Variants in BTBD9 observed in about 807,000 individuals in gnomAD.
The protein encoded by BTBD9 is BTB/POZ domain-containing protein 9.
BTBD9 carries 49 observed loss-of-function variants against 64.3 expected under a neutral mutation model. That is an observed-to-expected ratio of 0.76 (90% CI 0.61 to 0.97). The LOEUF (loss-of-function observed/expected upper bound fraction) is 0.97, where lower values mean the gene tolerates loss of function less well. BTBD9 is among the 50% of genes least tolerant of loss of function. The probability of loss-of-function intolerance (pLI) is 0.00; values close to 1 mark genes in which losing one functional copy is unlikely to be tolerated. For missense variants in BTBD9, 598 were observed against 762.1 expected (o/e 0.78, Z 2.53); for synonymous variants, 260 against 274.7 (o/e 0.95, Z 0.53).
At chr6:38,547,001 C>T (rs766308940) in intron 6 of BTBD9, among the ~76,000 whole-genome samples, 1 of 152,074 alleles carries the variant, frequency 6.6e-6, no homozygotes, top group Non-Finnish European at 1.5e-5. Context: ...TTTGATGTTA[C>T]CATTGTAATT....
intron 6 of BTBD9, among the ~76,000 whole-genome samples, chr6:38,412,893 C>A (rs1331805102): frequency 6.6e-6 from 1 of 151,808 alleles, no homozygotes; most frequent in Non-Finnish European, 1.5e-5. Context: ...ACAAAACAGT[C>A]GGAAATTTTG....
At chr6:38,526,058 A>T (rs1464149603) in intron 6 of BTBD9, among the ~76,000 whole-genome samples, 1 of 152,244 alleles carries the variant, frequency 6.6e-6, no homozygotes, top group Non-Finnish European at 1.5e-5. Flanking sequence ...AATGCCTCCA[A>T]GGCATTTCAG....
In BTBD9 at chr6:38,465,703, T is replaced by TA. The variant is rs1562224182; in HGVS notation, c.1154+111896dup. ...CTCCATCTCTAAATAAATAAATAAA[T>TA]AAATTATATATATATATATATATAT... is the stretch of plus-strand genomic sequence containing the variant. On this transcript the variant is annotated intron_variant, in intron 6 of 10. Transcript: ENST00000481247. Among the ~76,000 whole-genome samples, 43 of 81,702 alleles carry TA rather than the reference T, an allele frequency of 5.3e-4. 1 individual carries two copies. The highest frequency in any genetic ancestry group is 6.1e-3 in the Middle Eastern group (1 of 164). 53.6% of individuals were successfully genotyped at this position (81,702 alleles called of 152,430 possible).
At chr6:38,633,786 G>A (rs190433621) in intron 1 of BTBD9, among the ~76,000 whole-genome samples, 60 of 151,640 alleles carry the variant, frequency 4.0e-4, no homozygotes, top group Admixed American at 2.8e-3. Flanking sequence ...TTACAAATTT[G>A]ATTGCTAAAA....
At chr6:38,199,609 C>G (rs530641812) in intron 9 of BTBD9, among the ~76,000 whole-genome samples, 3 of 152,292 alleles carry the variant, frequency 2.0e-5, no homozygotes, top group African/African-American at 7.2e-5. Context: ...TGGAGGAACA[C>G]ATTGCTTTAG....
At chr6:38,410,716 A>G (rs1383838886) in intron 6 of BTBD9, among the ~76,000 whole-genome samples, 1 of 151,840 alleles carries the variant, frequency 6.6e-6, no homozygotes, top group East Asian at 1.9e-4. Context: ...TAACTTAACA[A>G]TGCAACAGTG....
intron 6 of BTBD9, among the ~76,000 whole-genome samples, chr6:38,548,811 G>A (rs1019010379): frequency 3.3e-5 from 5 of 152,148 alleles, no homozygotes; most frequent in African/African-American, 9.7e-5. Context: ...ACAAAAGTTT[G>A]ACACAGTATT....
intron 10 of BTBD9, among the ~76,000 whole-genome samples, chr6:38,183,018 C>A (rs539904928): frequency 1.3e-5 from 2 of 150,562 alleles, no homozygotes; most frequent in Non-Finnish European, 2.9e-5. Context: ...CTTGCTCTGT[C>A]GCCCAGGCTG....
chr6:38,358,606 A>T (rs1237141013), intron 6 of BTBD9, among the ~76,000 whole-genome samples: 1 of 152,208 alleles, frequency 6.6e-6, no homozygotes, highest in Non-Finnish European at 1.5e-5. Context: ...AATGCAGGTG[A>T]GTAGGAAGAG....
intron 6 of BTBD9, among the ~76,000 whole-genome samples, chr6:38,477,481 T>C (rs562836755): frequency 6.6e-6 from 1 of 152,344 alleles, no homozygotes; most frequent in Admixed American, 6.5e-5. Context: ...TTTTCCTTTA[T>C]ACCTAAAAAA....
rs1554123899 is a variant in BTBD9, at chr6:38,169,899, T to TTA, written c.*5085_*5086insTA. The TTA allele has an allele frequency of 6.6e-6, 1 of 151,616 alleles. No homozygotes were observed. The highest frequency in any genetic ancestry group is 6.6e-5 in the Admixed American group (1 of 15,266). The allele number at this position is 151,616 out of a possible 1,614,324, so 9.4% of individuals were successfully genotyped here. A position where few individuals can be genotyped will look rare whatever the true frequency, so the allele number is the denominator to read the frequency against. ...CCTCTTGGGGACTATTTCAGTTCTTTAAAAAAAAGAAGACACGAAGCTGAT... is the reference window on the plus strand; with the variant it reads ...CCTCTTGGGGACTATTTCAGTTCTTTTAAAAAAAAAGAAGACACGAAGCTGAT... On this transcript the variant is annotated 3_prime_UTR_variant, in exon 11 of 11. Coordinates refer to ENST00000481247, the MANE Select transcript of BTBD9 (RefSeq NM_001099272.2).
chr6:38,586,159 A>C (rs185921727), intron 4 of BTBD9, among the ~76,000 whole-genome samples: 115 of 152,340 alleles, frequency 7.5e-4, no homozygotes, highest in African/African-American at 2.5e-3. Flanking sequence ...AATGAAATAT[A>C]ACTCAGCCTT....
At chr6:38,190,240 T>C (rs1212317870) in intron 10 of BTBD9, among the ~76,000 whole-genome samples, 1 of 151,618 alleles carries the variant, frequency 6.6e-6, no homozygotes, top group African/African-American at 2.4e-5. Context: ...CTGAGGCAGG[T>C]GGATCACCTG....
chr6:38,577,573 A>G (rs1412102006), intron 6 of BTBD9, 27 bp downstream of exon 6: 2 of 1,578,646 alleles, frequency 1.3e-6, no homozygotes, highest in Non-Finnish European at 1.7e-6. Context: ...AAGAATAAAA[A>G]TCATTTATTA....
At chr6:38,231,330 T>C (rs1763597951) in intron 9 of BTBD9, among the ~76,000 whole-genome samples, 1 of 152,200 alleles carries the variant, frequency 6.6e-6, no homozygotes, top group Non-Finnish European at 1.5e-5. Context: ...TTAAAAACCA[T>C]GCACTATGAG....
chr6:38,274,396 G>A (rs1765304005), intron 8 of BTBD9, among the ~76,000 whole-genome samples: 1 of 151,948 alleles, frequency 6.6e-6, no homozygotes, highest in South Asian at 2.1e-4. Flanking sequence ...AATTGCCCTG[G>A]CCAGAACTTC....
At chr6:38,566,280 G>A (rs974394614) in intron 6 of BTBD9, among the ~76,000 whole-genome samples, 4 of 152,112 alleles carry the variant, frequency 2.6e-5, no homozygotes, top group Admixed American at 2.6e-4. Flanking sequence ...AAATGTATTA[G>A]AGGAACTGCT....
At chr6:38,307,977 C>G (rs375153793) in intron 7 of BTBD9, among the ~76,000 whole-genome samples, 1 of 152,170 alleles carries the variant, frequency 6.6e-6, no homozygotes, top group Non-Finnish European at 1.5e-5. Flanking sequence ...CTCAAACATA[C>G]AAGTTCACCA....
chr6:38,277,914 A>C (rs1561962588), intron 8 of BTBD9, among the ~76,000 whole-genome samples: 1 of 152,194 alleles, frequency 6.6e-6, no homozygotes, highest in Non-Finnish European at 1.5e-5. Flanking sequence ...GTTCTGTGGC[A>C]GAGCTGTTGG....
Sources: gnomAD v4.1 joint callset for allele counts (sites outside exome capture counted in the v4.1 genomes callset) on GRCh38, gnomAD v4.1.1 for gene constraint, MANE v1.5 for transcripts, NCBI Gene and HGNC (gene_info 2026-07-23, HGNC 2026-07-21) for gene names.